The following KLF8 variants were observed in gnomAD, a reference collection of about 807,000 sequenced individuals.
The protein encoded by KLF8 is KLF transcription factor 8, also known as Krueppel-like factor 8.
In KLF8, 10 loss-of-function variants were observed where a neutral mutation model predicts 18.2. That is an observed-to-expected ratio of 0.55 (90% CI 0.34 to 0.93). KLF8 has a LOEUF of 0.93. KLF8 is among the 40% of genes least tolerant of loss of function. KLF8 has a pLI of 0.02. For synonymous variants in KLF8, 109 were observed against 97.3 expected (o/e 1.12, Z -0.71); for missense variants, 264 against 277.9 (o/e 0.95, Z 0.36).
At chrX:56,096,070 G>A in the KLF8 span, among the ~76,000 whole-genome samples, 1 of 111,592 alleles carries the variant, frequency 9.0e-6, no homozygotes, top group African/African-American at 3.2e-5. Context: ...ATGGATGATT[G>A]AATAAAGAAA....
At chrX:56,280,658 C>A (rs1418487942) in intron 5 of KLF8, among the ~76,000 whole-genome samples, 3 of 112,335 alleles carry the variant, frequency 2.7e-5, no homozygotes, top group Non-Finnish European at 5.6e-5. Flanking sequence ...ACATCTCAAT[C>A]AGCTACTCAC....
chrX:56,057,688 C>T, the KLF8 span, among the ~76,000 whole-genome samples: 1 of 111,285 alleles, frequency 9.0e-6, no homozygotes, highest in African/African-American at 3.3e-5. Context: ...TCATGTCAGA[C>T]CAGCCCCATG....
the KLF8 span, among the ~76,000 whole-genome samples, chrX:56,214,861 T>C: frequency 8.9e-6 from 1 of 112,385 alleles, no homozygotes; most frequent in Non-Finnish European, 1.9e-5. Context: ...CTCCAAAGTC[T>C]AAACTATTAA....
the KLF8 span, among the ~76,000 whole-genome samples, chrX:56,208,558 G>A: frequency 9.0e-6 from 1 of 110,807 alleles, no homozygotes; most frequent in African/African-American, 3.3e-5. Context: ...TCCATTATTA[G>A]ATTGTTTATT....
chrX:56,106,604 C>A, the KLF8 span, among the ~76,000 whole-genome samples: 1 of 111,932 alleles, frequency 8.9e-6, no homozygotes, highest in Non-Finnish European at 1.9e-5. Flanking sequence ...TTCTAGTTAG[C>A]CGTTTGTCTA....
At chrX:55,989,552 C>T in the KLF8 span, among the ~76,000 whole-genome samples, 1 of 112,163 alleles carries the variant, frequency 8.9e-6, no homozygotes, top group African/African-American at 3.2e-5. Flanking sequence ...AGGGATGAAG[C>T]CCCCTTGATC....
the KLF8 span, among the ~76,000 whole-genome samples, chrX:56,127,712 A>T: frequency 6.3e-5 from 7 of 111,190 alleles, no homozygotes; most frequent in Non-Finnish European, 1.1e-4. Context: ...GTTGGTAATC[A>T]TTTCACAATG....
chrX:56,123,144 G>T, the KLF8 span, among the ~76,000 whole-genome samples: 1 of 109,970 alleles, frequency 9.1e-6, no homozygotes, highest in Non-Finnish European at 1.9e-5. Context: ...TCCTCATTAT[G>T]CTTCCTTTCA....
At position 56,291,162 on chromosome X, in the gene KLF8, G is replaced by A. The variant is rs1449316716; in HGVS notation, c.*6668G>A. On this transcript the variant is annotated 3_prime_UTR_variant, in exon 6 of 6. Transcript: ENST00000468660. ...AGGATCAGTTGGATTTTTTGTCATTGTTAGTTTGTTTAAATAAATTATAAG... is the reference window on the plus strand; with the variant it reads ...AGGATCAGTTGGATTTTTTGTCATTATTAGTTTGTTTAAATAAATTATAAG... 8.9e-6 allele frequency among the ~76,000 whole-genome samples: 1 copy of A among 111,752 alleles called. No individual in the cohort carries two copies. The highest frequency in any genetic ancestry group is 9.5e-5 in the Admixed American group (1 of 10,515).
the KLF8 span, among the ~76,000 whole-genome samples, chrX:55,919,222 A>G: frequency 8.9e-6 from 1 of 111,845 alleles, no homozygotes; most frequent in Non-Finnish European, 1.9e-5. Context: ...CCAAAATACA[A>G]TGGAGTTTTC....
chrX:55,935,093 A>G, the KLF8 span, among the ~76,000 whole-genome samples: 1 of 112,536 alleles, frequency 8.9e-6, no homozygotes, highest in Admixed American at 9.4e-5. Context: ...GTCATGGCGT[A>G]TAAAAAGTGT....
the KLF8 span, among the ~76,000 whole-genome samples, chrX:56,102,852 T>A: frequency 0.52 from 56,328 of 107,373 alleles, 13,623 homozygotes; most frequent in Non-Finnish European, 0.73. Context: ...GCTACACCCA[T>A]TAACTCGTCA....
chrX:55,910,159 G>T, the KLF8 span, among the ~76,000 whole-genome samples: 1 of 111,886 alleles, frequency 8.9e-6, no homozygotes, highest in South Asian at 3.8e-4. Flanking sequence ...GTCCAGGGTA[G>T]GGAACTGTGA....
chrX:55,941,919 G>A, the KLF8 span, among the ~76,000 whole-genome samples: 80 of 111,607 alleles, frequency 7.2e-4, no homozygotes, highest in East Asian at 0.018. Context: ...ACTGTTGGTG[G>A]GATTGTAAAC....
chrX:56,277,693 A>T (rs777239197), intron 5 of KLF8, among the ~76,000 whole-genome samples: 6 of 112,262 alleles, frequency 5.3e-5, no homozygotes, highest in Non-Finnish European at 1.1e-4. Flanking sequence ...GGTCTCTACA[A>T]TCACCTGTTG....
intron 2 of KLF8, among the ~76,000 whole-genome samples, chrX:56,261,718 G>T (rs1446400933): frequency 9.0e-6 from 1 of 110,629 alleles, no homozygotes; most frequent in Non-Finnish European, 1.9e-5. Context: ...CATAGGGAGG[G>T]TTATATTCAA....
chrX:56,160,537 G>C, the KLF8 span, among the ~76,000 whole-genome samples: 6 of 111,340 alleles, frequency 5.4e-5, no homozygotes, highest in African/African-American at 2.0e-4. Flanking sequence ...TCTCTTTGTA[G>C]GTTACTAAGG....
chrX:55,949,180 T>A, the KLF8 span, among the ~76,000 whole-genome samples: 1 of 111,625 alleles, frequency 9.0e-6, no homozygotes, highest in East Asian at 2.8e-4. Flanking sequence ...AATTAACCAA[T>A]CTTTGTTAGT....
At chrX:56,145,746 T>TA in the KLF8 span, among the ~76,000 whole-genome samples, 3 of 110,752 alleles carry the variant, frequency 2.7e-5, no homozygotes, top group African/African-American at 6.6e-5. Context: ...TAAAATATAA[T>TA]AAAAAAAGAA....
Sources: allele counts gnomAD v4.1 joint callset (sites outside exome capture counted in the v4.1 genomes callset), GRCh38; gene constraint gnomAD v4.1.1; transcripts MANE v1.5; gene names NCBI Gene and HGNC (gene_info 2026-07-23, HGNC 2026-07-21).